The following ADAMTS6 variants were observed in gnomAD, a reference collection of about 807,000 sequenced individuals.
ADAMTS6 encodes the protein ADAM metallopeptidase with thrombospondin type 1 motif 6, also known as A disintegrin and metalloproteinase with thrombospondin motifs 6.
Under a neutral mutation model 144.3 loss-of-function variants are expected in ADAMTS6, and 23 were observed. That is an observed-to-expected ratio of 0.16 (90% CI 0.11 to 0.23). The LOEUF (loss-of-function observed/expected upper bound fraction) is 0.23, where lower values mean the gene tolerates loss of function less well. Among genes scored for constraint, ADAMTS6 ranks in the 10% least tolerant of loss-of-function variants. ADAMTS6 has a pLI of 1.00. For synonymous variants in ADAMTS6, 444 were observed against 457.5 expected (o/e 0.97, Z 0.38); for missense variants, 999 against 1,379.6 (o/e 0.72, Z 4.37).
At chr5:65,194,632 C>G (rs1376342141) in intron 21 of ADAMTS6, among the ~76,000 whole-genome samples, 1 of 151,922 alleles carries the variant, frequency 6.6e-6, no homozygotes, top group Admixed American at 6.6e-5. Context: ...ATTCAAAAGA[C>G]TAAAGAAGAA....
intron 4 of ADAMTS6, among the ~76,000 whole-genome samples, chr5:65,458,550 T>C (rs1759400076): frequency 6.6e-6 from 1 of 152,184 alleles, no homozygotes; most frequent in Non-Finnish European, 1.5e-5. Flanking sequence ...TGGCTGTGAC[T>C]ACAGGCAAGC....
chr5:65,242,689 C>T (rs920602096), intron 14 of ADAMTS6, among the ~76,000 whole-genome samples: 1 of 151,982 alleles, frequency 6.6e-6, no homozygotes, highest in African/African-American at 2.4e-5. Context: ...TACTGTTTAG[C>T]CTTGACAAAA....
intron 7 of ADAMTS6, among the ~76,000 whole-genome samples, chr5:65,377,478 A>G (rs566299424): frequency 1.3e-5 from 2 of 152,370 alleles, no homozygotes; most frequent in African/African-American, 4.8e-5. Flanking sequence ...CACTCCAATG[A>G]GCTATCCCTG....
At chr5:65,225,516 C>T (rs1757663222) in intron 16 of ADAMTS6, among the ~76,000 whole-genome samples, 1 of 152,132 alleles carries the variant, frequency 6.6e-6, no homozygotes. Flanking sequence ...ATGTTACAAT[C>T]ATACACAGGT....
intron 15 of ADAMTS6, among the ~76,000 whole-genome samples, chr5:65,230,759 T>C (rs1012911195): frequency 1.9e-5 from 2 of 105,014 alleles, no homozygotes; most frequent in Non-Finnish European, 3.7e-5. Flanking sequence ...ATGAAATATA[T>C]ATATAACACA....
At position 65,214,167 on chromosome 5, in the gene ADAMTS6, A is replaced by C. The variant is rs1756729822; in HGVS notation, c.2575+627T>G. 1 of 177,196 alleles carries C rather than the reference A, an allele frequency of 5.6e-6. No homozygotes were observed. Among genetic ancestry groups the C allele is most frequent in the South Asian group, 1.7e-4 (1 of 5,900 alleles). 11.0% of individuals were successfully genotyped at this position (177,196 alleles called of 1,614,324 possible). A position where few individuals can be genotyped will look rare whatever the true frequency, so the allele number is the denominator to read the frequency against. On this transcript the variant is annotated intron_variant, in intron 20 of 24. Coordinates refer to ENST00000381055, the MANE Select transcript of ADAMTS6 (RefSeq NM_197941.4). The surrounding 1 kb of genome is among the most constrained non-coding windows in gnomAD (Gnocchi z 4.6). The stretch of plus-strand genomic sequence containing the variant: ...TTAGGAATAGAGTAAATTGTAGGGA[A>C]AAGGCACCCATGAAAAACGCACATG...
chr5:65,350,361 C>G lies in ADAMTS6; in HGVS notation c.1074-16276G>C, dbSNP rs1748742134. On this transcript the variant is annotated intron_variant, in intron 7 of 24. Coordinates refer to ENST00000381055, the MANE Select transcript of ADAMTS6 (RefSeq NM_197941.4). ...CTTCTTTTCTCTGGAACAATAATCC[C>G]TGCTACTTTAATTTTTTTCTTTTAG... 2.0e-5 allele frequency among the ~76,000 whole-genome samples: 3 copies of G among 152,222 alleles called. No individual in the cohort carries two copies. The South Asian group carries it at 6.2e-4, about 32-fold the overall frequency.
chr5:65,434,863 G>C (rs1757271861), intron 7 of ADAMTS6, among the ~76,000 whole-genome samples: 1 of 152,166 alleles, frequency 6.6e-6, no homozygotes, highest in Non-Finnish European at 1.5e-5. Flanking sequence ...TATCCCTTAT[G>C]ACCCATTAGC....
intron 15 of ADAMTS6, among the ~76,000 whole-genome samples, chr5:65,240,539 T>C (rs1202555249): frequency 6.6e-6 from 1 of 152,108 alleles, no homozygotes; most frequent in Non-Finnish European, 1.5e-5. Flanking sequence ...ATGAGGCCTT[T>C]GGAAGGTAAC....
chr5:65,226,957 A>G (rs1209602508), intron 15 of ADAMTS6, among the ~76,000 whole-genome samples: 1 of 152,184 alleles, frequency 6.6e-6, no homozygotes, highest in Non-Finnish European at 1.5e-5. Flanking sequence ...TCTGCTACAT[A>G]TGTTACTGAA....
intron 9 of ADAMTS6, among the ~76,000 whole-genome samples, chr5:65,327,620 A>G (rs922860084): frequency 3.3e-5 from 5 of 152,194 alleles, no homozygotes; most frequent in African/African-American, 1.2e-4. Context: ...CAATTTTTCT[A>G]CATAAGGTAC....
chr5:65,180,894 T>C (rs894896756), intron 22 of ADAMTS6, among the ~76,000 whole-genome samples: 2 of 152,236 alleles, frequency 1.3e-5, no homozygotes, highest in African/African-American at 4.8e-5. Flanking sequence ...GCAAATAGTG[T>C]TGCTGTTGCA....
chr5:65,443,980 A>T (rs528468835), intron 7 of ADAMTS6, among the ~76,000 whole-genome samples: 139 of 152,308 alleles, frequency 9.1e-4, no homozygotes, highest in Non-Finnish European at 9.9e-4. Flanking sequence ...AGACATTCCA[A>T]TAAGGCAAAA....
chr5:65,352,320 T>C (rs564548323), intron 7 of ADAMTS6, among the ~76,000 whole-genome samples: 1 of 150,986 alleles, frequency 6.6e-6, no homozygotes, highest in East Asian at 1.9e-4. Flanking sequence ...GAGAAGTAAA[T>C]AAAAAGAATG....
Position 65,214,535 on chromosome 5 carries a change from T to C in ADAMTS6, c.2575+259A>G, listed in dbSNP as rs951646957. 6 of 526,266 alleles carry C rather than the reference T, an allele frequency of 1.1e-5. 1 individual carries two copies. Among genetic ancestry groups the C allele is most frequent in the South Asian group, 4.1e-5 (2 of 48,496 alleles). 32.6% of individuals were successfully genotyped at this position (526,266 alleles called of 1,614,324 possible). On this transcript the variant is annotated intron_variant, in intron 20 of 24. Coordinates refer to ENST00000381055, the MANE Select transcript of ADAMTS6 (RefSeq NM_197941.4). The surrounding 1 kb of genome is among the most constrained non-coding windows in gnomAD (Gnocchi z 4.6). ...AAAGGCAAACAGCCCACCTTCAAGA[T>C]AGTCTTGGGAGAAGCACCAGCAGAG...
At chr5:65,288,895 A>C (rs1475210609) in intron 11 of ADAMTS6, among the ~76,000 whole-genome samples, 1 of 152,172 alleles carries the variant, frequency 6.6e-6, no homozygotes, top group East Asian at 1.9e-4. Flanking sequence ...ATTGTTTTCC[A>C]AAGTAGTATT....
At chr5:65,405,372 A>T (rs1472433743) in intron 7 of ADAMTS6, among the ~76,000 whole-genome samples, 5 of 152,336 alleles carry the variant, frequency 3.3e-5, no homozygotes, top group South Asian at 2.1e-4. Flanking sequence ...ATGGCTAGCC[A>T]GTTTTCCCAG....
chr5:65,264,148 T>C (rs1761426509), intron 12 of ADAMTS6, among the ~76,000 whole-genome samples: 1 of 152,190 alleles, frequency 6.6e-6, no homozygotes, highest in Admixed American at 6.5e-5. Flanking sequence ...CTAGAATCTA[T>C]TTTCCAGAGA....
intron 8 of ADAMTS6, among the ~76,000 whole-genome samples, chr5:65,331,930 CTT>C (rs531054395): frequency 7.2e-5 from 11 of 151,762 alleles, no homozygotes; most frequent in East Asian, 3.9e-4. Flanking sequence ...TGAAAAATAA[CTT>C]ATATTGAGCT....
Sources: allele counts gnomAD v4.1 joint callset (sites outside exome capture counted in the v4.1 genomes callset), GRCh38; gene constraint gnomAD v4.1.1; non-coding constraint Gnocchi (gnomAD v3.1); transcripts MANE v1.5; gene names NCBI Gene and HGNC (gene_info 2026-07-23, HGNC 2026-07-21).